EYS: variants seen among roughly 807,000 people sequenced by gnomAD.
The protein encoded by EYS is protein eyes shut homolog.
In EYS, 250 loss-of-function variants were observed where a neutral mutation model predicts 282.1. That is an observed-to-expected ratio of 0.89 (90% confidence interval 0.80 to 0.98). The LOEUF (loss-of-function observed/expected upper bound fraction) is 0.98. Among genes scored for constraint, EYS ranks in the 50% least tolerant of loss-of-function variants. The probability of loss-of-function intolerance (pLI) is 0.00; values close to 1 mark genes in which losing one functional copy is unlikely to be tolerated. For synonymous variants in EYS, 1,355 were observed against 1,282.9 expected (o/e 1.06, Z -1.20); for missense variants, 4,016 against 3,709.0 (o/e 1.08, Z -2.15).
intron 19 of EYS, among the ~76,000 whole-genome samples, chr6:64,854,893 T>A (rs1766005214): frequency 6.6e-6 from 1 of 152,150 alleles, no homozygotes; most frequent in African/African-American, 2.4e-5. Flanking sequence ...GATAGTCTGA[T>A]GATAATGAAT....
chr6:64,079,928 A>G (rs1363176366), intron 32 of EYS, among the ~76,000 whole-genome samples: 5 of 152,156 alleles, frequency 3.3e-5, no homozygotes, highest in Non-Finnish European at 5.9e-5. Flanking sequence ...ATAGTGTTCC[A>G]TGGTTTATAT....
At chr6:65,333,854 A>AT (rs1048646200) in intron 11 of EYS, among the ~76,000 whole-genome samples, 2 of 151,234 alleles carry the variant, frequency 1.3e-5, no homozygotes, top group East Asian at 2.0e-4. Flanking sequence ...CTTAAAATCT[A>AT]TTTTTTCCCT....
At chr6:65,364,032 A>G (rs1764815825) in intron 8 of EYS, among the ~76,000 whole-genome samples, 1 of 151,012 alleles carries the variant, frequency 6.6e-6, no homozygotes, top group South Asian at 2.1e-4. Flanking sequence ...TATTCCAAGT[A>G]CTTCTTTGGT....
At chr6:64,923,743 C>G (rs190942122) in intron 15 of EYS, among the ~76,000 whole-genome samples, 1 of 152,274 alleles carries the variant, frequency 6.6e-6, no homozygotes, top group Admixed American at 6.5e-5. Context: ...CAAAATCCAG[C>G]GAGGCAATCA....
At chr6:64,884,128 C>G (rs1767009375) in intron 19 of EYS, among the ~76,000 whole-genome samples, 1 of 151,470 alleles carries the variant, frequency 6.6e-6, no homozygotes, top group Non-Finnish European at 1.5e-5. Flanking sequence ...AATTAAGAAT[C>G]ATAAACTTTC....
chr6:65,160,648 T>A (rs1764830877), intron 12 of EYS, among the ~76,000 whole-genome samples: 1 of 150,900 alleles, frequency 6.6e-6, no homozygotes, highest in African/African-American at 2.4e-5. Flanking sequence ...TTTTCCAAGC[T>A]CTTTACTCAG....
chr6:65,139,658 C>A (rs1461403932), intron 12 of EYS, among the ~76,000 whole-genome samples: 2 of 152,050 alleles, frequency 1.3e-5, no homozygotes, highest in Admixed American at 6.6e-5. Flanking sequence ...AGACTTCTAC[C>A]CATGCCCATT....
At chr6:64,088,588 A>C (rs898516091) in intron 31 of EYS, among the ~76,000 whole-genome samples, 7 of 152,108 alleles carry the variant, frequency 4.6e-5, no homozygotes, top group African/African-American at 1.7e-4. Context: ...ATGAAAGCAC[A>C]GTATTGAGTT....
chr6:65,260,117 GCTT>G (rs1767582115), intron 12 of EYS, among the ~76,000 whole-genome samples: 1 of 152,182 alleles, frequency 6.6e-6, no homozygotes, highest in Admixed American at 6.6e-5. Context: ...AAGCAAGCAA[GCTT>G]CTTCTCAAGG....
intron 13 of EYS, among the ~76,000 whole-genome samples, chr6:65,009,539 C>T (rs896915345): frequency 6.6e-6 from 1 of 152,146 alleles, no homozygotes; most frequent in African/African-American, 2.4e-5. Flanking sequence ...CTTTGAAGAG[C>T]CTTCAAACCC....
chr6:63,727,020 TATA>T (rs1768639309), intron 41 of EYS, among the ~76,000 whole-genome samples: 1 of 152,256 alleles, frequency 6.6e-6, no homozygotes, highest in African/African-American at 2.4e-5. Flanking sequence ...GTCTTACATT[TATA>T]ATGCTTTCAG....
At chr6:65,475,107 T>C (rs1765349931) in intron 5 of EYS, among the ~76,000 whole-genome samples, 1 of 152,026 alleles carries the variant, frequency 6.6e-6, no homozygotes, top group South Asian at 2.1e-4. Flanking sequence ...AAAATTATAG[T>C]GTCTCTTGTG....
intron 28 of EYS, among the ~76,000 whole-genome samples, chr6:64,429,007 A>G (rs1017452764): frequency 6.6e-6 from 1 of 152,066 alleles, no homozygotes; most frequent in African/African-American, 2.4e-5. Flanking sequence ...GGTCCAGACG[A>G]CTTATAGACT....
chr6:64,917,025 T>A (rs568252316), intron 15 of EYS, among the ~76,000 whole-genome samples: 81 of 152,060 alleles, frequency 5.3e-4, no homozygotes, highest in Non-Finnish European at 1.1e-3. Flanking sequence ...CCGAGGCGGG[T>A]GGATCACGAG....
In EYS at chr6:65,133,334, A is replaced by G. The variant is rs58257629; in HGVS notation, c.2024-75607T>C. ...ACACCAAACAAGCAAACAACAACAA[A>G]AAAACAAAGTTAGAGGTATCATGTT... On this transcript the variant is annotated intron_variant, in intron 12 of 42. Transcript: ENST00000503581. Among the ~76,000 whole-genome samples the G allele has an allele frequency of 9.4e-3, 1,425 of 152,164 alleles. 15 individuals are homozygous for G. Among genetic ancestry groups the G allele is most frequent in the African/African-American group, 0.032 (1,347 of 41,542 alleles).
intron 8 of EYS, among the ~76,000 whole-genome samples, chr6:65,369,306 A>ATT (rs1491495680): frequency 1.0e-4 from 6 of 59,870 alleles, no homozygotes; most frequent in South Asian, 6.7e-4. Flanking sequence ...ATTTATGTAT[A>ATT]ATATATATAT....
chr6:65,213,900 C>T (rs552069952), intron 12 of EYS, among the ~76,000 whole-genome samples: 2 of 152,112 alleles, frequency 1.3e-5, no homozygotes, highest in African/African-American at 4.8e-5. Flanking sequence ...GTGGCTCACG[C>T]CTGTAACCCC....
intron 12 of EYS, among the ~76,000 whole-genome samples, chr6:65,091,255 G>A (rs190149414): frequency 0.012 from 1,450 of 122,718 alleles, 18 homozygotes; most frequent in Admixed American, 0.025. Flanking sequence ...CCAACATGGT[G>A]AAACCCCATC....
intron 15 of EYS, among the ~76,000 whole-genome samples, chr6:64,922,568 A>T (rs532374145): frequency 1.2e-3 from 189 of 152,340 alleles, no homozygotes; most frequent in African/African-American, 4.1e-3. Flanking sequence ...GATATATATT[A>T]GTTAATAAAA....
Sources: gnomAD v4.1 joint callset for allele counts (sites outside exome capture counted in the v4.1 genomes callset) on GRCh38, gnomAD v4.1.1 for gene constraint, MANE v1.5 for transcripts, NCBI Gene and HGNC (gene_info 2026-07-23, HGNC 2026-07-21) for gene names.